SRR: variants seen among roughly 807,000 people sequenced by gnomAD.
The protein encoded by SRR is D-serine ammonia-lyase.
Under a neutral mutation model 32.7 loss-of-function variants are expected in SRR, and 19 were observed. The observed-to-expected ratio is 0.58, with a 90% CI of 0.40 to 0.85. The LOEUF is 0.85. SRR is among the 40% of genes least tolerant of loss of function. The pLI, the probability that SRR is intolerant of heterozygous loss-of-function variation, is 0.00. For missense variants in SRR, 373 were observed against 404.7 expected (o/e 0.92, Z 0.67); for synonymous variants, 142 against 140.9 (o/e 1.01, Z -0.06).
At position 2,324,106 on chromosome 17, in the gene SRR, A is replaced by G; in HGVS notation, c.*233A>G. The G allele has an allele frequency of 6.8e-7, 1 of 1,469,046 alleles. No homozygotes were observed. Among genetic ancestry groups the G allele is most frequent in the Non-Finnish European group, 9.1e-7 (1 of 1,099,228 alleles). The allele number at this position is 1,469,046 out of a possible 1,614,324, so 91.0% of individuals were successfully genotyped here. On this transcript the variant is annotated 3_prime_UTR_variant, in exon 8 of 8. Transcript: ENST00000344595. The stretch of plus-strand genomic sequence containing the variant: ...TGGGGCAGTGGACTGACAGGCTGAC[A>G]TAGAAAATAAACTTTGCCCAATCAC...
At chr17:2,311,485 C>T (rs544501346) in intron 1 of SRR, among the ~76,000 whole-genome samples, 4 of 151,810 alleles carry the variant, frequency 2.6e-5, no homozygotes, top group South Asian at 2.1e-4. Flanking sequence ...AAAATACAGA[C>T]GTTTTTTGTA....
At chr17:2,322,731 T>C (rs770586229) in intron 6 of SRR, 49 of 172,180 alleles carry the variant, frequency 2.8e-4, no homozygotes, top group Non-Finnish European at 5.9e-4. Flanking sequence ...TTAGCCAGGA[T>C]GGTCTTGATC....
chr17:2,318,819 C>T lies in SRR; in HGVS notation c.296-7C>T, dbSNP rs1195838549. On this transcript the variant is annotated splice_region_variant and splice_polypyrimidine_tract_variant and intron_variant, in intron 3 of 7. Transcript: ENST00000344595. The stretch of plus-strand genomic sequence containing the variant: ...CCTGACTTTTTCCTCTCGTTTTCCT[C>T]TCCCAGGAATTCCTGCTTATATTGT... The T allele has an allele frequency of 1.2e-6, 2 of 1,608,258 alleles. No homozygotes were observed. Among genetic ancestry groups the T allele is most frequent in the Non-Finnish European group, 1.7e-6 (2 of 1,175,180 alleles).
At chr17:2,311,617 G>C (rs1000762792) in intron 1 of SRR, among the ~76,000 whole-genome samples, 4 of 152,166 alleles carry the variant, frequency 2.6e-5, no homozygotes, top group Non-Finnish European at 5.9e-5. Context: ...CTCCAGCCTG[G>C]ACGACAAGAG....
Position 2,318,923 on chromosome 17 carries a change from T to G in SRR, c.393T>G (p.Ser131Arg). Residue 131 changes from serine to arginine, a missense_variant, in exon 4 of 8, where the codon AGT becomes AGG. Coordinates refer to ENST00000344595, the MANE Select transcript of SRR (RefSeq NM_021947.3). ...CGTCAATTGTATACTGTGAACCTAG[T>G]GATGAGGTAAGGAGAGCAGTGCTTG... The part of the protein sequence containing the change: ...YGASIVYCEP[S>R]DESRENVAKR... The G allele has an allele frequency of 6.2e-7, 1 of 1,610,706 alleles. No homozygotes were observed. The highest frequency in any genetic ancestry group is 2.2e-5 in the East Asian group (1 of 44,850).
intron 1 of SRR, among the ~76,000 whole-genome samples, chr17:2,311,047 A>AT (rs2075430345): frequency 6.6e-6 from 1 of 151,040 alleles, no homozygotes. Context: ...CGCCCGGCCA[A>AT]TTTTTGTTTT....
intron 1 of SRR, among the ~76,000 whole-genome samples, chr17:2,310,744 A>C (rs1393049576): frequency 6.6e-6 from 1 of 151,012 alleles, no homozygotes; most frequent in Non-Finnish European, 1.5e-5. Context: ...ACTCCTGGCT[A>C]ATTTTTTTGT....
upstream of SRR, chr17:2,303,490 G>C: frequency 1.1e-5 from 15 of 1,329,426 alleles, no homozygotes; most frequent in Non-Finnish European, 1.4e-5. Context: ...AGGGCAGCGA[G>C]GGTCCGCCGC....
chr17:2,303,516 T>A (rs1316601412), upstream of SRR: 8 of 1,332,736 alleles, frequency 6.0e-6, no homozygotes, highest in African/African-American at 1.5e-5. Context: ...CAGCGCCTAC[T>A]GCTGGGGGAA....
At chr17:2,315,811 G>A in intron 2 of SRR, 83 bp downstream of exon 2, 1 of 1,334,454 alleles carries the variant, frequency 7.5e-7, no homozygotes, top group Non-Finnish European at 1.0e-6. Flanking sequence ...CACCCAATGA[G>A]ATAGGCAGAA....
intron 1 of SRR, among the ~76,000 whole-genome samples, chr17:2,305,787 T>C (rs2075385525): frequency 6.6e-6 from 1 of 151,998 alleles, no homozygotes; most frequent in Non-Finnish European, 1.5e-5. Flanking sequence ...GCAACCTGCC[T>C]CCTGGTTTCA....
rs199524884 is a variant in SRR, at chr17:2,317,520, AT to A, written c.169-349del. ...ACAGAGCGAGACTAGGTCTAAAAAAATAAAAAAAAAAAATTTAGCCGGGCAT... is the reference window on the plus strand; with the variant it reads ...ACAGAGCGAGACTAGGTCTAAAAAAAAAAAAAAAAAAATTTAGCCGGGCAT... On this transcript the variant is annotated intron_variant, in intron 2 of 7. Transcript: ENST00000344595. Among the ~76,000 whole-genome samples, 900 of 145,712 alleles carry A rather than the reference AT, an allele frequency of 6.2e-3. 32 individuals are homozygous for A. Among genetic ancestry groups the A allele is most frequent in the Non-Finnish European group, 8.4e-3 (550 of 65,862 alleles).
rs754089595 is a variant in SRR at position 2,321,668 on chromosome 17, T to A, written c.594+52T>A. 5.2e-6 allele frequency: 8 copies of A among 1,528,506 alleles called. No individual in the cohort carries two copies. In the African/African-American group the frequency reaches 6.8e-5, roughly 13 times the overall value. The allele number at this position is 1,528,506 out of a possible 1,614,324, so 94.7% of individuals were successfully genotyped here. A position where few individuals can be genotyped will look rare whatever the true frequency, so the allele number is the denominator to read the frequency against. On this transcript the variant is annotated intron_variant, in intron 6 of 7. Transcript: ENST00000344595. Reference sequence around the variant, plus strand: ...CTTCAAGCAGAGGATTTACTTTACATCCTAAATGTTCTGTATACACGTGCT... The same window carrying A: ...CTTCAAGCAGAGGATTTACTTTACAACCTAAATGTTCTGTATACACGTGCT...
chr17:2,311,619 C>T (rs73303051), intron 1 of SRR, among the ~76,000 whole-genome samples: 2,640 of 152,188 alleles, frequency 0.017, 82 homozygotes, highest in African/African-American at 0.061. Flanking sequence ...CCAGCCTGGA[C>T]GACAAGAGAC....
At position 2,320,032 on chromosome 17, in the gene SRR, A is replaced by C. The variant is rs560188119; in HGVS notation, c.399+1103A>C. Among the ~76,000 whole-genome samples the C allele has an allele frequency of 1.3e-4, 20 of 150,072 alleles. No homozygotes were observed. The East Asian group carries it at 3.9e-3, about 29-fold the overall frequency. On this transcript the variant is annotated intron_variant, in intron 4 of 7. Transcript: ENST00000344595. ...ACGGGGTTTCACTGTGTTAGCCAGG[A>C]TGGTCTCGATCTCCTGACCTCGTGA...
chr17:2,323,237 T>G lies in SRR; in HGVS notation c.696T>G (p.Pro232=). The change falls in exon 7 of 8, where the codon CCT becomes CCG. Residue 232 remains proline (P), a synonymous_variant. Coordinates refer to ENST00000344595, the MANE Select transcript of SRR (RefSeq NM_021947.3). ...GGAAACTGATGCCCAATCTTTATCC[T>G]CCAGAAACCATAGCAGATGGTGTCA... ...LKGKLMPNLY[P]PETIADGVKS... is the part of the protein sequence containing the mutation. 6.2e-7 allele frequency: 1 copy of G among 1,614,212 alleles called. No homozygotes were observed. Among genetic ancestry groups the G allele is most frequent in the South Asian group, 1.1e-5 (1 of 91,088 alleles).
At position 2,324,701 on chromosome 17, in the gene SRR, A is replaced by G. The variant is rs2075564071; in HGVS notation, c.*828A>G. The G allele has an allele frequency of 6.2e-7, 1 of 1,614,036 alleles. No homozygotes were observed. The highest frequency in any genetic ancestry group is 1.3e-5 in the African/African-American group (1 of 74,936). ...CCTTCATACCCACCTCTGTTGAAGA[A>G]CATGTAACGTACTACTGCCATCTTA... On this transcript the variant is annotated 3_prime_UTR_variant, in exon 8 of 8. Coordinates refer to ENST00000344595, the MANE Select transcript of SRR (RefSeq NM_021947.3).
intron 1 of SRR, chr17:2,315,259 A>T: frequency 5.4e-6 from 1 of 186,376 alleles, no homozygotes; most frequent in Non-Finnish European, 1.1e-5. Flanking sequence ...AAAAAAAAAA[A>T]GGAAGATGGA....
At chr17:2,307,622 T>G in intron 1 of SRR, 4 of 951,208 alleles carry the variant, frequency 4.2e-6, no homozygotes, top group Non-Finnish European at 6.8e-6. Context: ...CTGGCCCCTA[T>G]GGTGGTGCAG....
Sources: allele counts gnomAD v4.1 joint callset (sites outside exome capture counted in the v4.1 genomes callset), GRCh38; gene constraint gnomAD v4.1.1; transcripts MANE v1.5; gene names NCBI Gene and HGNC (gene_info 2026-07-23, HGNC 2026-07-21).